Variants in GPC5 observed in about 807,000 individuals in gnomAD.
The protein encoded by GPC5 is glypican-5.
Under a neutral mutation model 53.9 loss-of-function variants are expected in GPC5, and 47 were observed. The ratio of observed to expected loss-of-function variants is 0.87; its 90% CI spans 0.69 to 1.11. GPC5 has a LOEUF of 1.11. Among genes scored for constraint, GPC5 ranks in the 50% most tolerant of loss-of-function variants. GPC5 has a pLI of 0.00. For missense variants in GPC5, 748 were observed against 713.1 expected (o/e 1.05, Z -0.56); for synonymous variants, 286 against 263.3 (o/e 1.09, Z -0.84).
chr13:92,650,349 A>C (rs1885913910), intron 7 of GPC5, among the ~76,000 whole-genome samples: 2 of 152,162 alleles, frequency 1.3e-5, no homozygotes, highest in Admixed American at 6.6e-5. Flanking sequence ...CACACACTAT[A>C]GGATTCTGCC....
At chr13:92,028,904 C>T (rs1043880362) in intron 6 of GPC5, among the ~76,000 whole-genome samples, 1 of 152,092 alleles carries the variant, frequency 6.6e-6, no homozygotes, top group Non-Finnish European at 1.5e-5. Flanking sequence ...GAGTTATATT[C>T]CAGGATGTTG....
At chr13:92,012,250 A>AT (rs1231682489) in intron 6 of GPC5, among the ~76,000 whole-genome samples, 60 of 152,166 alleles carry the variant, frequency 3.9e-4, no homozygotes, top group African/African-American at 1.4e-3. Flanking sequence ...AAACGATTTA[A>AT]TTTTTTTCAT....
intron 6 of GPC5, among the ~76,000 whole-genome samples, chr13:91,977,499 A>G (rs1214891846): frequency 6.6e-6 from 1 of 152,188 alleles, no homozygotes. Context: ...TTCAATGGTC[A>G]TACTTCACTC....
At chr13:91,799,509 A>G (rs946865882) in intron 5 of GPC5, among the ~76,000 whole-genome samples, 2 of 152,220 alleles carry the variant, frequency 1.3e-5, no homozygotes, top group Non-Finnish European at 2.9e-5. Flanking sequence ...TTTTTTAAAA[A>G]GAAAAATTTC....
chr13:92,125,935 T>G (rs1398467080), intron 6 of GPC5, among the ~76,000 whole-genome samples: 33 of 10,852 alleles, frequency 3.0e-3, no homozygotes, highest in African/African-American at 7.1e-3. Context: ...TTTTTTTTTT[T>G]TTTTTTTTTT....
At chr13:92,635,976 A>T (rs532933223) in intron 7 of GPC5, among the ~76,000 whole-genome samples, 4 of 152,346 alleles carry the variant, frequency 2.6e-5, no homozygotes, top group Middle Eastern at 3.4e-3. Flanking sequence ...CACAATGGCC[A>T]TGGCCAATAA....
chr13:91,427,483 C>T (rs1175798944), intron 1 of GPC5, among the ~76,000 whole-genome samples: 1 of 152,166 alleles, frequency 6.6e-6, no homozygotes, highest in Non-Finnish European at 1.5e-5. Flanking sequence ...GGCCAGTAAC[C>T]TCTTTGTTTT....
chr13:91,941,664 T>G (rs747241899), intron 6 of GPC5, among the ~76,000 whole-genome samples: 2 of 152,142 alleles, frequency 1.3e-5, no homozygotes, highest in Non-Finnish European at 2.9e-5. Flanking sequence ...GGATCATGTT[T>G]TAGCCAGGTT....
chr13:91,675,020 A>C lies in GPC5; in HGVS notation c.326-18167A>C, dbSNP rs139697987. ...AGGAGACCTTGCCCTTTGCAATCAGAGATCATTAACGTGTTCTTCCTACAC... is the reference window on the plus strand; with the variant it reads ...AGGAGACCTTGCCCTTTGCAATCAGCGATCATTAACGTGTTCTTCCTACAC... On this transcript the variant is annotated intron_variant, in intron 2 of 7. Transcript: ENST00000377067. Among the ~76,000 whole-genome samples the C allele has an allele frequency of 2.3e-3, 355 of 152,068 alleles. 6 individuals carry two copies. Among genetic ancestry groups the C allele is most frequent in the African/African-American group, 8.1e-3 (335 of 41,468 alleles).
intron 5 of GPC5, among the ~76,000 whole-genome samples, chr13:91,765,936 A>T: frequency 6.6e-6 from 1 of 152,224 alleles, no homozygotes; most frequent in East Asian, 1.9e-4. Context: ...TTTGATGGGA[A>T]CGGAGTGTTA....
intron 5 of GPC5, among the ~76,000 whole-genome samples, chr13:91,764,565 C>A (rs1432020660): frequency 6.6e-6 from 1 of 152,104 alleles, no homozygotes. Context: ...TTCCATAAAC[C>A]GTGTAAATTC....
At chr13:92,780,544 A>T (rs1393079349) in intron 7 of GPC5, among the ~76,000 whole-genome samples, 2 of 152,068 alleles carry the variant, frequency 1.3e-5, no homozygotes, top group Admixed American at 6.6e-5. Context: ...AGTATCAATG[A>T]TAATGCTCAT....
At chr13:92,569,023 C>T (rs796135099) in intron 7 of GPC5, among the ~76,000 whole-genome samples, 29 of 150,380 alleles carry the variant, frequency 1.9e-4, no homozygotes, top group Admixed American at 2.0e-4. Flanking sequence ...GTGTGCTGCA[C>T]CCATTAACTC....
intron 5 of GPC5, among the ~76,000 whole-genome samples, chr13:91,791,690 C>T (rs1472285996): frequency 1.3e-5 from 2 of 148,494 alleles, no homozygotes; most frequent in Admixed American, 6.7e-5. Context: ...GGCAGCTCTC[C>T]GTTGTAAAAT....
chr13:92,560,489 T>G lies in GPC5; in HGVS notation c.1562-305793T>G, dbSNP rs561646178. Among the ~76,000 whole-genome samples, 7 of 152,060 alleles carry G rather than the reference T, an allele frequency of 4.6e-5. No homozygotes were observed. In the South Asian group the frequency reaches 1.5e-3, roughly 32 times the overall value. The stretch of plus-strand genomic sequence containing the variant: ...TGGGCTGCAGCAGAAACAGTTAAGG[T>G]TTGTGATTGGCTGTCACATTAATGT... On this transcript the variant is annotated intron_variant, in intron 7 of 7. Transcript: ENST00000377067.
chr13:92,676,095 G>A (rs778806753), intron 7 of GPC5, among the ~76,000 whole-genome samples: 11 of 152,020 alleles, frequency 7.2e-5, no homozygotes, highest in African/African-American at 1.9e-4. Flanking sequence ...TACTTCCAAC[G>A]ACATGCTATG....
At chr13:91,603,902 A>G (rs1594318057) in intron 2 of GPC5, among the ~76,000 whole-genome samples, 1 of 146,830 alleles carries the variant, frequency 6.8e-6, no homozygotes, top group South Asian at 2.1e-4. Flanking sequence ...TTCATCAATT[A>G]CCCTCTCCCT....
chr13:92,724,958 T>C (rs1594457078), intron 7 of GPC5, among the ~76,000 whole-genome samples: 1 of 150,952 alleles, frequency 6.6e-6, no homozygotes, highest in African/African-American at 2.4e-5. Flanking sequence ...AGCACAGGGC[T>C]GTGTCACCAG....
At chr13:92,017,602 C>A (rs1260836765) in intron 6 of GPC5, among the ~76,000 whole-genome samples, 1 of 152,116 alleles carries the variant, frequency 6.6e-6, no homozygotes, top group Non-Finnish European at 1.5e-5. Context: ...AGATGTTGAA[C>A]TTCTGTATTA....
Sources: gnomAD v4.1 joint callset for allele counts (sites outside exome capture counted in the v4.1 genomes callset) on GRCh38, gnomAD v4.1.1 for gene constraint, MANE v1.5 for transcripts, NCBI Gene and HGNC (gene_info 2026-07-23, HGNC 2026-07-21) for gene names.